Variants in UPP2 observed in about 807,000 individuals in gnomAD.
UPP2 encodes the protein uridine phosphorylase 2, also known as UPase 2.
UPP2 carries 23 observed loss-of-function variants against 26.7 expected under a neutral mutation model. The observed-to-expected ratio is 0.86, with a 90% CI of 0.62 to 1.22. UPP2 has a LOEUF of 1.22. Ranked by LOEUF, UPP2 falls within the 50% of genes most tolerant of loss-of-function variation. UPP2 has a pLI of 0.00. For synonymous variants in UPP2, 127 were observed against 141.3 expected (o/e 0.90, Z 0.72); for missense variants, 387 against 396.7 (o/e 0.98, Z 0.21).
chr2:158,035,833 A>AC (rs1448879795), intron 3 of UPP2, among the ~76,000 whole-genome samples: 6 of 152,246 alleles, frequency 3.9e-5, no homozygotes, highest in Non-Finnish European at 8.8e-5. Context: ...GTTCAAATAC[A>AC]CAAGGGTTGA....
At chr2:158,077,584 T>C (rs962371444) in intron 3 of UPP2, among the ~76,000 whole-genome samples, 2 of 152,084 alleles carry the variant, frequency 1.3e-5, no homozygotes, top group Non-Finnish European at 2.9e-5. Flanking sequence ...TGGATATCCA[T>C]AGGCAGAAGA....
At chr2:158,095,837 T>A (rs1000275111) in intron 3 of UPP2, among the ~76,000 whole-genome samples, 2 of 152,130 alleles carry the variant, frequency 1.3e-5, no homozygotes, top group African/African-American at 4.8e-5. Context: ...CTGAGTTGAA[T>A]GTGGTTATTT....
At chr2:157,997,890 T>G (rs772838509) in intron 2 of UPP2, among the ~76,000 whole-genome samples, 1 of 152,170 alleles carries the variant, frequency 6.6e-6, no homozygotes, top group Non-Finnish European at 1.5e-5. Flanking sequence ...TCTCAGTATG[T>G]TGTAGGTGGA....
chr2:158,107,166 C>A lies in UPP2; in HGVS notation c.180+950C>A, dbSNP rs543644147. 2.4e-4 allele frequency among the ~76,000 whole-genome samples: 36 copies of A among 152,268 alleles called. 1 individual carries two copies. Among genetic ancestry groups the A allele is most frequent in the African/African-American group, 7.9e-4 (33 of 41,556 alleles). On this transcript the variant is annotated intron_variant, in intron 2 of 6. Transcript: ENST00000005756. The stretch of plus-strand genomic sequence containing the variant: ...GCTTAGGGTGATTCACAGAAATGGT[C>A]AAAGAGACTGAATTTTTAAAGAACT...
intron 4 of UPP2, among the ~76,000 whole-genome samples, chr2:158,120,350 T>G (rs1180869855): frequency 9.2e-5 from 14 of 152,052 alleles, no homozygotes; most frequent in Non-Finnish European, 1.5e-5. Flanking sequence ...CTAATAAAAC[T>G]TTATTTACAA....
intron 3 of UPP2, among the ~76,000 whole-genome samples, chr2:158,083,095 T>C (rs1682753701): frequency 6.6e-6 from 1 of 152,226 alleles, no homozygotes; most frequent in African/African-American, 2.4e-5. Flanking sequence ...GGAATGCTTT[T>C]ACACTGTTGG....
At chr2:158,021,456 C>A (rs1261384959) in intron 3 of UPP2, among the ~76,000 whole-genome samples, 1 of 152,174 alleles carries the variant, frequency 6.6e-6, no homozygotes, top group Non-Finnish European at 1.5e-5. Flanking sequence ...GTGTTATGGC[C>A]AAACCAGGGA....
At chr2:158,060,274 A>G (rs1246566044) in intron 3 of UPP2, among the ~76,000 whole-genome samples, 2 of 152,154 alleles carry the variant, frequency 1.3e-5, no homozygotes, top group Non-Finnish European at 2.9e-5. Flanking sequence ...TCCAAGTATT[A>G]GTGTGTCTTC....
intron 1 of UPP2, 132 bp from the exon 2 acceptor site, chr2:158,105,967 A>G (rs1683184263): frequency 1.5e-6 from 1 of 674,684 alleles, no homozygotes; most frequent in African/African-American, 1.8e-5. Context: ...TATTAGCCAT[A>G]ATTACTGTTA....
intron 3 of UPP2, among the ~76,000 whole-genome samples, chr2:158,086,676 T>C (rs1682823044): frequency 6.6e-6 from 1 of 152,136 alleles, no homozygotes; most frequent in South Asian, 2.1e-4. Context: ...CCCAGAGGTT[T>C]TGATAGGTTG....
chr2:158,021,889 T>C (rs1024616782), intron 3 of UPP2, among the ~76,000 whole-genome samples: 3 of 152,190 alleles, frequency 2.0e-5, no homozygotes, highest in Non-Finnish European at 4.4e-5. Flanking sequence ...CTGAACATAA[T>C]TGAAATTAGA....
rs1558917364 is a variant in UPP2, at chr2:158,058,418, C to CGTGTGTGTGTGTGTGTGT, written c.147+42532_147+42533insGTGTGTGTGTGTGTGTGT. Among the ~76,000 whole-genome samples the CGTGTGTGTGTGTGTGTGT allele has an allele frequency of 2.8e-4, 6 of 21,428 alleles. No homozygotes were observed. The African/African-American group carries it at 2.9e-3, about 10-fold the overall frequency. 14.1% of individuals were successfully genotyped at this position (21,428 alleles called of 152,430 possible). On this transcript the variant is annotated intron_variant, in intron 3 of 9. Coordinates refer to the UPP2 transcript ENST00000605860. ...TCTCTCTCTCTCTCTCTCCCCCCAA[C>CGTGTGTGTGTGTGTGTGT]CTGTGTGTGTGTGTGTGTGTGTGTG...
At chr2:158,032,646 C>T (rs941630488) in intron 3 of UPP2, among the ~76,000 whole-genome samples, 1 of 151,768 alleles carries the variant, frequency 6.6e-6, no homozygotes, top group African/African-American at 2.4e-5. Context: ...TTTGGGGCTA[C>T]GGGGAGCATT....
chr2:158,118,008 C>T, intron 4 of UPP2, 70 bp downstream of exon 4: 10 of 1,316,036 alleles, frequency 7.6e-6, no homozygotes, highest in Non-Finnish European at 9.8e-6. Flanking sequence ...CAAAATATAA[C>T]ATCCTATTCA....
intron 3 of UPP2, among the ~76,000 whole-genome samples, chr2:158,034,305 A>G (rs1253352271): frequency 6.6e-6 from 1 of 151,964 alleles, no homozygotes; most frequent in Non-Finnish European, 1.5e-5. Flanking sequence ...CAGACACAGC[A>G]CTCCGCAGGG....
In UPP2 at chr2:158,052,374, T is replaced by C. The variant is rs565610306; in HGVS notation, c.147+36488T>C. 2.0e-5 allele frequency among the ~76,000 whole-genome samples: 3 copies of C among 152,332 alleles called. No individual in the cohort carries two copies. The East Asian group carries it at 5.8e-4, about 29-fold the overall frequency. On this transcript the variant is annotated intron_variant, in intron 3 of 9. Coordinates refer to the UPP2 transcript ENST00000605860. Reference sequence around the variant, plus strand: ...GTATGATGGTGGCGATATCAAGATGTGGGTAAACTGGAAAGAAGTATACTT... The same window carrying C: ...GTATGATGGTGGCGATATCAAGATGCGGGTAAACTGGAAAGAAGTATACTT...
intron 3 of UPP2, among the ~76,000 whole-genome samples, chr2:158,066,535 G>A (rs1682437899): frequency 6.6e-6 from 1 of 151,822 alleles, no homozygotes; most frequent in African/African-American, 2.4e-5. Flanking sequence ...TTCAAACATT[G>A]AAAGTAGGGC....
At chr2:158,107,025 G>T (rs1683210695) in intron 2 of UPP2, among the ~76,000 whole-genome samples, 1 of 151,978 alleles carries the variant, frequency 6.6e-6, no homozygotes, top group East Asian at 1.9e-4. Flanking sequence ...GGTGTCAAGT[G>T]GTGTACCACA....
rs1393104862 is a variant in UPP2 at position 158,134,831 on chromosome 2, C to T, written c.895C>T (p.Gln299Ter). Residue 299 changes from glutamine (Q) to a stop codon, truncating the protein, a stop_gained, in exon 7 of 7, where the codon CAA (glutamine) becomes TAA (stop). Transcript: ENST00000005756. LOFTEE classifies it high-confidence loss of function. The stretch of plus-strand genomic sequence containing the variant: ...TCATGATGTCCTGGTGGAGTACCAG[C>T]AACGGCCTCAGCTCCTAATCTCCAA... ...LPHDVLVEYQ[Q>*]RPQLLISNFI... is the part of the protein sequence containing the mutation. 2 of 1,613,558 alleles carry T rather than the reference C, an allele frequency of 1.2e-6. No individual in the cohort carries two copies. Among genetic ancestry groups the T allele is most frequent in the Non-Finnish European group, 1.7e-6 (2 of 1,179,760 alleles).
Sources: gnomAD v4.1 joint callset for allele counts (sites outside exome capture counted in the v4.1 genomes callset) on GRCh38, gnomAD v4.1.1 for gene constraint, MANE v1.5 for transcripts, NCBI Gene and HGNC (gene_info 2026-07-23, HGNC 2026-07-21) for gene names.